POU6F2: variants seen among roughly 807,000 people sequenced by gnomAD.
POU6F2 encodes the protein POU class 6 homeobox 2.
A neutral mutation model predicts 71.3 loss-of-function variants in POU6F2; 31 were observed. The observed-to-expected ratio is 0.43, with a 90% CI of 0.33 to 0.59. POU6F2 has a LOEUF of 0.59. Among genes scored for constraint, POU6F2 ranks in the 20% least tolerant of loss-of-function variants. The probability of loss-of-function intolerance (pLI) is 0.04; values close to 1 mark genes in which losing one functional copy is unlikely to be tolerated. For synonymous variants in POU6F2, 347 were observed against 355.7 expected (o/e 0.98, Z 0.27); for missense variants, 783 against 856.8 (o/e 0.91, Z 1.07).
intron 6 of POU6F2, among the ~76,000 whole-genome samples, chr7:39,408,138 T>C (rs2115903675): frequency 6.6e-6 from 1 of 152,328 alleles, no homozygotes; most frequent in East Asian, 1.9e-4. Flanking sequence ...TAACTCATAC[T>C]CACATCAGGT....
chr7:39,394,698 T>C (rs1223155853), intron 5 of POU6F2, among the ~76,000 whole-genome samples: 1 of 152,218 alleles, frequency 6.6e-6, no homozygotes, highest in Non-Finnish European at 1.5e-5. Context: ...ACTGTGTGTC[T>C]TTCCCATCTG....
Position 39,381,711 on chromosome 7 carries a change from A to G in POU6F2, c.973-24889A>G, listed in dbSNP as rs577498591. ...TGTACATATAGGTGTTTCTCAACCT[A>G]AGGATATTTGCATGATTGCAGGGGA... On this transcript the variant is annotated intron_variant, in intron 5 of 9. Transcript: ENST00000518318. Among the ~76,000 whole-genome samples the G allele has an allele frequency of 3.3e-5, 5 of 152,322 alleles. No individual in the cohort carries two copies. In the East Asian group the frequency reaches 9.7e-4, roughly 29 times the overall value.
chr7:39,260,521 A>ATTCCACACACATACCACG, intron 4 of POU6F2, among the ~76,000 whole-genome samples: 1 of 143,940 alleles, frequency 6.9e-6, no homozygotes, highest in Non-Finnish European at 1.5e-5. Flanking sequence ...ACCACACCAC[A>ATTCCACACACATACCACG]TTCCACACAC....
intron 4 of POU6F2, among the ~76,000 whole-genome samples, chr7:39,251,481 T>C (rs560476682): frequency 6.6e-5 from 10 of 152,346 alleles, no homozygotes; most frequent in African/African-American, 2.4e-4. Flanking sequence ...GGTTTGTTTG[T>C]TCTTTATAGG....
intron 5 of POU6F2, among the ~76,000 whole-genome samples, chr7:39,389,787 A>G (rs1405917168): frequency 6.6e-6 from 1 of 152,186 alleles, no homozygotes; most frequent in Non-Finnish European, 1.5e-5. Flanking sequence ...ATGAATAGAA[A>G]ATAATGAAAA....
intron 4 of POU6F2, among the ~76,000 whole-genome samples, chr7:39,210,256 T>C (rs115122329): frequency 1.1e-3 from 164 of 152,356 alleles, no homozygotes; most frequent in Middle Eastern, 0.01. Context: ...TGTAACATGC[T>C]TGGTCATGAA....
intron 2 of POU6F2, among the ~76,000 whole-genome samples, chr7:39,196,189 G>A (rs1185594645): frequency 1.3e-5 from 2 of 152,172 alleles, no homozygotes; most frequent in African/African-American, 4.8e-5. Context: ...GCGAAACACT[G>A]TTACAAAGGT....
At chr7:39,159,558 A>G (rs948819451) in intron 2 of POU6F2, among the ~76,000 whole-genome samples, 1 of 152,340 alleles carries the variant, frequency 6.6e-6, no homozygotes, top group African/African-American at 2.4e-5. Flanking sequence ...GTAAACACAT[A>G]AGCATATCTA....
chr7:39,341,046 A>G (rs2115624574), intron 5 of POU6F2, among the ~76,000 whole-genome samples: 1 of 152,276 alleles, frequency 6.6e-6, no homozygotes, highest in African/African-American at 2.4e-5. Flanking sequence ...GTGGGTATAA[A>G]CCTCAGTCAG....
intron 5 of POU6F2, among the ~76,000 whole-genome samples, chr7:39,394,198 G>C (rs950854437): frequency 4.6e-5 from 7 of 152,184 alleles, no homozygotes; most frequent in African/African-American, 1.7e-4. Context: ...AGCCATGGGG[G>C]TTCTTCATCA....
chr7:38,980,106 C>G (rs1421424173), intron 1 of POU6F2, among the ~76,000 whole-genome samples: 1 of 152,102 alleles, frequency 6.6e-6, no homozygotes, highest in African/African-American at 2.4e-5. Context: ...TTCCACATGT[C>G]TAAGAACTCT....
At chr7:39,268,551 C>A (rs1406001029) in intron 4 of POU6F2, among the ~76,000 whole-genome samples, 1 of 152,092 alleles carries the variant, frequency 6.6e-6, no homozygotes, top group Non-Finnish European at 1.5e-5. Context: ...TTAAAAAGAG[C>A]TCCTTTGTCA....
At chr7:39,160,242 A>C (rs1300809990) in intron 2 of POU6F2, among the ~76,000 whole-genome samples, 1 of 152,222 alleles carries the variant, frequency 6.6e-6, no homozygotes, top group Non-Finnish European at 1.5e-5. Context: ...TGTATGGAGC[A>C]TCCAGTAGAG....
chr7:39,297,326 G>T (rs1784868916), intron 4 of POU6F2, among the ~76,000 whole-genome samples: 1 of 151,734 alleles, frequency 6.6e-6, no homozygotes, highest in African/African-American at 2.4e-5. Flanking sequence ...GATACCATCA[G>T]CATCACGGGT....
intron 4 of POU6F2, among the ~76,000 whole-genome samples, chr7:39,265,608 A>G (rs951215018): frequency 6.6e-6 from 1 of 152,190 alleles, no homozygotes; most frequent in Non-Finnish European, 1.5e-5. Context: ...ATTTATTTCA[A>G]TCGGCCATAG....
At chr7:39,017,684 C>T (rs957826684) in intron 1 of POU6F2, among the ~76,000 whole-genome samples, 2 of 152,146 alleles carry the variant, frequency 1.3e-5, no homozygotes, top group Non-Finnish European at 2.9e-5. Context: ...TCCTGCAGTT[C>T]CTCAAACATT....
intron 2 of POU6F2, among the ~76,000 whole-genome samples, chr7:39,098,609 A>C (rs1791504945): frequency 6.6e-6 from 1 of 152,130 alleles, no homozygotes; most frequent in South Asian, 2.1e-4. Flanking sequence ...GTAGTGCTTC[A>C]AGGCTCTGGA....
chr7:39,180,285 T>G (rs954452903), intron 2 of POU6F2, among the ~76,000 whole-genome samples: 1 of 152,146 alleles, frequency 6.6e-6, no homozygotes, highest in African/African-American at 2.4e-5. Flanking sequence ...GATATTAGAT[T>G]TTTTTTAAGT....
At chr7:39,234,357 T>G (rs1334372642) in intron 4 of POU6F2, among the ~76,000 whole-genome samples, 1 of 152,170 alleles carries the variant, frequency 6.6e-6, no homozygotes, top group Non-Finnish European at 1.5e-5. Flanking sequence ...TCCCCAACCC[T>G]GTCCCAGAGA....
Sources: gnomAD v4.1 joint callset for allele counts (sites outside exome capture counted in the v4.1 genomes callset) on GRCh38, gnomAD v4.1.1 for gene constraint, MANE v1.5 for transcripts, NCBI Gene and HGNC (gene_info 2026-07-23, HGNC 2026-07-21) for gene names.